The following MAPK8 variants were observed in gnomAD, a reference collection of about 807,000 sequenced individuals.
The protein encoded by MAPK8 is JUN N-terminal kinase.
A neutral mutation model predicts 52.9 loss-of-function variants in MAPK8; 13 were observed. That is an observed-to-expected ratio of 0.25 (90% CI 0.16 to 0.39). MAPK8 has a LOEUF of 0.39. MAPK8 is among the 10% of genes least tolerant of loss of function. The pLI is 1.00. For synonymous variants in MAPK8, 191 were observed against 169.8 expected (o/e 1.12, Z -0.97); for missense variants, 300 against 519.2 (o/e 0.58, Z 4.10).
At chr10:48,363,086 G>A (rs1276114391) in intron 1 of MAPK8, among the ~76,000 whole-genome samples, 2 of 152,044 alleles carry the variant, frequency 1.3e-5, no homozygotes, top group Admixed American at 6.5e-5. Context: ...GCCCAGACTG[G>A]AGTGCAGTAG....
At chr10:48,360,719 C>A (rs545591147) in intron 1 of MAPK8, among the ~76,000 whole-genome samples, 1 of 152,224 alleles carries the variant, frequency 6.6e-6, no homozygotes, top group Non-Finnish European at 1.5e-5. Context: ...ATATGTATGC[C>A]ATGATTTCTT....
At chr10:48,347,856 A>G (rs1192335131) in intron 1 of MAPK8, among the ~76,000 whole-genome samples, 4 of 152,214 alleles carry the variant, frequency 2.6e-5, no homozygotes, top group South Asian at 4.1e-4. Flanking sequence ...TGCAGTAAAC[A>G]TACATGTGCA....
chr10:48,341,268 C>T (rs1254170063), intron 1 of MAPK8, among the ~76,000 whole-genome samples: 1 of 152,144 alleles, frequency 6.6e-6, no homozygotes, highest in Non-Finnish European at 1.5e-5. Context: ...ATATTAACAG[C>T]CTTGCTAATG....
At chr10:48,317,729 G>A (rs1192976868) in intron 1 of MAPK8, among the ~76,000 whole-genome samples, 1 of 152,226 alleles carries the variant, frequency 6.6e-6, no homozygotes, top group Admixed American at 6.5e-5. Flanking sequence ...GTGCCCTTGC[G>A]AGGAAGTTTG....
At chr10:48,416,693 C>G (rs2043081629) in intron 5 of MAPK8, among the ~76,000 whole-genome samples, 1 of 152,102 alleles carries the variant, frequency 6.6e-6, no homozygotes, top group African/African-American at 2.4e-5. Flanking sequence ...ATTTAGAAAA[C>G]TGAAAAATGC....
intron 1 of MAPK8, among the ~76,000 whole-genome samples, chr10:48,398,236 T>C (rs1319354026): frequency 1.3e-5 from 2 of 152,132 alleles, no homozygotes; most frequent in Admixed American, 1.3e-4. Flanking sequence ...ACAAAGGATG[T>C]GTATCTAGAA....
At chr10:48,368,033 A>G (rs931812049) in intron 1 of MAPK8, among the ~76,000 whole-genome samples, 3 of 152,186 alleles carry the variant, frequency 2.0e-5, no homozygotes, top group Non-Finnish European at 2.9e-5. Flanking sequence ...TTAGGCAGAG[A>G]GAGTAGTTAA....
intron 1 of MAPK8, among the ~76,000 whole-genome samples, chr10:48,315,008 A>G (rs1295571761): frequency 6.6e-6 from 1 of 152,184 alleles, no homozygotes; most frequent in Non-Finnish European, 1.5e-5. Context: ...TTCCACGTGT[A>G]TTTGGTACCA....
chr10:48,317,524 A>C (rs190487674), intron 1 of MAPK8, among the ~76,000 whole-genome samples: 1 of 152,218 alleles, frequency 6.6e-6, no homozygotes, highest in African/African-American at 2.4e-5. Flanking sequence ...GTGGGTGCAG[A>C]CCACTCTTTT....
intron 2 of MAPK8, 35 bp downstream of exon 2, chr10:48,401,817 C>T: frequency 7.3e-7 from 1 of 1,377,384 alleles, no homozygotes; most frequent in Non-Finnish European, 9.5e-7. Context: ...GGCAAAGAAT[C>T]ATTAACTGCT....
At chr10:48,369,268 C>G (rs571932746) in intron 1 of MAPK8, among the ~76,000 whole-genome samples, 8 of 152,276 alleles carry the variant, frequency 5.3e-5, no homozygotes, top group African/African-American at 1.9e-4. Context: ...AAGAAGAGAA[C>G]TGATCTGTGG....
chr10:48,341,675 TTATAGTC>T (rs1277140261), intron 1 of MAPK8, among the ~76,000 whole-genome samples: 1 of 152,198 alleles, frequency 6.6e-6, no homozygotes, highest in African/African-American at 2.4e-5. Context: ...TTCTTGGAGT[TTATAGTC>T]TAGTGAAGAA....
chr10:48,412,910 A>G (rs2042836457), intron 5 of MAPK8, among the ~76,000 whole-genome samples: 1 of 152,170 alleles, frequency 6.6e-6, no homozygotes, highest in African/African-American at 2.4e-5. Flanking sequence ...CATCTTGTGA[A>G]GATGCAACTC....
chr10:48,312,021 C>T (rs920640941), intron 1 of MAPK8, among the ~76,000 whole-genome samples: 5 of 152,160 alleles, frequency 3.3e-5, no homozygotes, highest in Non-Finnish European at 7.4e-5. Flanking sequence ...ACATTTATGT[C>T]CTAACACAAG....
In MAPK8 at chr10:48,439,032, C is replaced by T. The variant is rs1057476129; in HGVS notation, c.*4003C>T. 1 of 152,130 alleles carries T rather than the reference C, an allele frequency of 6.6e-6. No individual in the cohort carries two copies. Among genetic ancestry groups the T allele is most frequent in the Non-Finnish European group, 1.5e-5 (1 of 68,036 alleles). 9.4% of individuals were successfully genotyped at this position (152,130 alleles called of 1,614,324 possible). On this transcript the variant is annotated 3_prime_UTR_variant, in exon 12 of 12. Transcript: ENST00000374189. The stretch of plus-strand genomic sequence containing the variant: ...AATTACGTGTCTCCCTGGACTGTGA[C>T]ATCTATTTTCTCATTACAGTTTATC...
chr10:48,379,376 G>A (rs930379897), intron 1 of MAPK8, among the ~76,000 whole-genome samples: 4 of 152,144 alleles, frequency 2.6e-5, no homozygotes, highest in African/African-American at 9.7e-5. Context: ...ATCATATGCT[G>A]TTCCAGTTAA....
In MAPK8 at chr10:48,435,123, G is replaced by T; in HGVS notation, c.*94G>T. On this transcript the variant is annotated 3_prime_UTR_variant, in exon 12 of 12. Coordinates refer to ENST00000374189, the MANE Select transcript of MAPK8 (RefSeq NM_001323329.2). ...CAATTCAGTGGTCTTATTTTTGGGT[G>T]ATTTTTCAAAAAATGTAGAATTCAT... 1.0e-6 allele frequency: 1 copy of T among 982,964 alleles called. No individual in the cohort carries two copies. The allele number at this position is 982,964 out of a possible 1,614,324, so 60.9% of individuals were successfully genotyped here.
At chr10:48,323,964 C>A (rs1374542541) in intron 1 of MAPK8, among the ~76,000 whole-genome samples, 1 of 152,206 alleles carries the variant, frequency 6.6e-6, no homozygotes, top group East Asian at 1.9e-4. Flanking sequence ...TGGTTCCTTA[C>A]AACTGAACAT....
At chr10:48,406,303 C>G (rs2042468610) in intron 3 of MAPK8, among the ~76,000 whole-genome samples, 1 of 152,162 alleles carries the variant, frequency 6.6e-6, no homozygotes. Context: ...CTGGTGGCAT[C>G]CTGTCCATGG....
Sources: gnomAD v4.1 joint callset for allele counts (sites outside exome capture counted in the v4.1 genomes callset) on GRCh38, gnomAD v4.1.1 for gene constraint, MANE v1.5 for transcripts, NCBI Gene and HGNC (gene_info 2026-07-23, HGNC 2026-07-21) for gene names.